The following KCNK10 variants were observed in gnomAD, a reference collection of about 807,000 sequenced individuals.
KCNK10 encodes potassium two pore domain channel subfamily K member 10.
A neutral mutation model predicts 47.7 loss-of-function variants in KCNK10; 25 were observed. The ratio of observed to expected loss-of-function variants is 0.52; its 90% CI spans 0.38 to 0.73. The LOEUF is 0.73. Among genes scored for constraint, KCNK10 ranks in the 30% least tolerant of loss-of-function variants. The pLI, the probability that KCNK10 is intolerant of heterozygous loss-of-function variation, is 0.00. For missense variants in KCNK10, 563 were observed against 714.5 expected (o/e 0.79, Z 2.42); for synonymous variants, 303 against 285.6 (o/e 1.06, Z -0.61).
At chr14:88,192,526 G>T in intron 4 of KCNK10, 116 bp from the exon 5 acceptor site, 1 of 829,154 alleles carries the variant, frequency 1.2e-6, no homozygotes, top group Non-Finnish European at 1.9e-6. Flanking sequence ...CTGGTCATTG[G>T]CTGCTTGGAG....
At chr14:88,214,721 G>A (rs1885565386) in intron 4 of KCNK10, among the ~76,000 whole-genome samples, 1 of 152,190 alleles carries the variant, frequency 6.6e-6, no homozygotes, top group Non-Finnish European at 1.5e-5. Flanking sequence ...AACTAAAGCA[G>A]ATACATAAAG....
At chr14:88,200,524 G>C (rs1229451267) in intron 4 of KCNK10, among the ~76,000 whole-genome samples, 1 of 152,152 alleles carries the variant, frequency 6.6e-6, no homozygotes, top group African/African-American at 2.4e-5. Context: ...GAACTTTCTA[G>C]TTAGACTAGG....
chr14:88,269,547 C>T (rs887616697), intron 1 of KCNK10, among the ~76,000 whole-genome samples: 2 of 152,160 alleles, frequency 1.3e-5, no homozygotes, highest in Non-Finnish European at 2.9e-5. Flanking sequence ...AGCTATCCTC[C>T]CACCCCAGCC....
intron 6 of KCNK10, among the ~76,000 whole-genome samples, chr14:88,187,515 C>T (rs930823621): frequency 7.9e-5 from 12 of 152,208 alleles, no homozygotes; most frequent in South Asian, 2.1e-4. Flanking sequence ...GGGCTCACTT[C>T]CCCGTAGCTG....
chr14:88,243,956 G>A (rs954919349), intron 2 of KCNK10, among the ~76,000 whole-genome samples: 12 of 151,816 alleles, frequency 7.9e-5, no homozygotes, highest in African/African-American at 2.9e-4. Context: ...ATGCCCTGGG[G>A]AAGCAGTTTT....
At chr14:88,261,645 T>C (rs1424168142) in intron 2 of KCNK10, among the ~76,000 whole-genome samples, 2 of 151,892 alleles carry the variant, frequency 1.3e-5, no homozygotes, top group African/African-American at 2.4e-5. Flanking sequence ...TCCCAGCTAC[T>C]CAGGAGACTG....
At chr14:88,207,857 G>C (rs1470710997) in intron 4 of KCNK10, among the ~76,000 whole-genome samples, 1 of 152,134 alleles carries the variant, frequency 6.6e-6, no homozygotes, top group Admixed American at 6.5e-5. Context: ...TATTTGGGGG[G>C]GGTGTTGACC....
At chr14:88,265,892 G>A (rs1887239325) in intron 1 of KCNK10, among the ~76,000 whole-genome samples, 1 of 152,196 alleles carries the variant, frequency 6.6e-6, no homozygotes, top group South Asian at 2.1e-4. Context: ...CCATGATTGT[G>A]AGGCCTCCCT....
rs146813469 is a variant in KCNK10 at position 88,273,448 on chromosome 14, G to A, written c.53-9897C>T. Among the ~76,000 whole-genome samples, 1,172 of 152,320 alleles carry A rather than the reference G, an allele frequency of 7.7e-3. 18 individuals are homozygous for A. The highest frequency in any genetic ancestry group is 0.026 in the African/African-American group (1,076 of 41,554). On this transcript the variant is annotated intron_variant, in intron 1 of 6. Coordinates refer to ENST00000319231, the MANE Select transcript of KCNK10 (RefSeq NM_138317.3). ...GGAAACCCTGTTCAACAGCACTCCTGTTCCAGAACTTCTGAGCATTTTTGG... is the reference window on the plus strand; with the variant it reads ...GGAAACCCTGTTCAACAGCACTCCTATTCCAGAACTTCTGAGCATTTTTGG...
At chr14:88,247,281 G>T (rs1049988686) in intron 2 of KCNK10, among the ~76,000 whole-genome samples, 2 of 152,076 alleles carry the variant, frequency 1.3e-5, no homozygotes, top group African/African-American at 4.8e-5. Flanking sequence ...GCAGGCTGAC[G>T]CACGTGTGCC....
intron 1 of KCNK10, among the ~76,000 whole-genome samples, chr14:88,310,702 C>T (rs1327169089): frequency 6.6e-6 from 1 of 152,152 alleles, no homozygotes; most frequent in Admixed American, 6.5e-5. Context: ...TTTTGGGAGG[C>T]CTTCCAAGCT....
chr14:88,188,102 GT>G lies in KCNK10; in HGVS notation c.875del (p.Asn292ThrfsTer13). 6.2e-7 allele frequency: 1 copy of G among 1,614,152 alleles called. No homozygotes were observed. Among genetic ancestry groups the G allele is most frequent in the African/African-American group, 1.3e-5 (1 of 75,044 alleles). Reference sequence around the variant, plus strand: ...ACCACTCCCGATAATTGATGCCAGCGTTTCCCCCTGAAAACAACCAAATGTT... The same window carrying G: ...ACCACTCCCGATAATTGATGCCAGCGTTCCCCCTGAAAACAACCAAATGTT... ...VGFGDFVAGG[N>X]AGINYREWYK... is the part of the protein sequence containing the mutation. On this transcript the variant is annotated frameshift_variant, in exon 6 of 7. Coordinates refer to ENST00000319231, the MANE Select transcript of KCNK10 (RefSeq NM_138317.3). LOFTEE classifies it high-confidence loss of function.
At chr14:88,292,983 T>C (rs889848949) in intron 1 of KCNK10, among the ~76,000 whole-genome samples, 1 of 114,184 alleles carries the variant, frequency 8.8e-6, no homozygotes. Flanking sequence ...AACTGGACTT[T>C]TGAATATCTG....
Position 88,250,012 on chromosome 14 carries a change from A to G in KCNK10, c.403-9192T>C, listed in dbSNP as rs150741498. Among the ~76,000 whole-genome samples the G allele has an allele frequency of 2.3e-3, 353 of 152,330 alleles. 1 individual carries two copies. Among genetic ancestry groups the G allele is most frequent in the Non-Finnish European group, 3.7e-3 (255 of 68,038 alleles). ...GACACCATCAAAATCTCATTATTCC[A>G]TAATGTATACAGCCACACTCTAAAG... On this transcript the variant is annotated intron_variant, in intron 2 of 6. Transcript: ENST00000319231.
chr14:88,182,583 A>G lies in KCNK10; in HGVS notation c.*2952T>C, dbSNP rs1252427929. On this transcript the variant is annotated 3_prime_UTR_variant, in exon 7 of 7. Coordinates refer to ENST00000319231, the MANE Select transcript of KCNK10 (RefSeq NM_138317.3). Reference sequence around the variant, plus strand: ...CTTTGCACACATATTTAATCGATCAATCACCATAGAGGATCTTCTTTGATT... The same window carrying G: ...CTTTGCACACATATTTAATCGATCAGTCACCATAGAGGATCTTCTTTGATT... The G allele has an allele frequency of 2.0e-5, 3 of 152,292 alleles. No individual in the cohort carries two copies. The highest frequency in any genetic ancestry group is 4.8e-5 in the African/African-American group (2 of 41,442). 9.4% of individuals were successfully genotyped at this position (152,292 alleles called of 1,614,324 possible).
intron 4 of KCNK10, among the ~76,000 whole-genome samples, chr14:88,207,731 G>C (rs2139846717): frequency 6.6e-6 from 1 of 152,316 alleles, no homozygotes; most frequent in South Asian, 2.1e-4. Context: ...GCTAGCACCT[G>C]AAGATGCAGT....
At chr14:88,306,552 T>A (rs1410119211) in intron 1 of KCNK10, among the ~76,000 whole-genome samples, 3 of 152,056 alleles carry the variant, frequency 2.0e-5, no homozygotes, top group Non-Finnish European at 4.4e-5. Context: ...AAGACACACA[T>A]CCCTGCCCAA....
intron 1 of KCNK10, among the ~76,000 whole-genome samples, chr14:88,279,930 T>TTCC (rs77684987): frequency 0.23 from 35,628 of 152,008 alleles, 5,282 homozygotes; most frequent in Non-Finnish European, 0.33. Flanking sequence ...CTTTTGCTTC[T>TTCC]TCCTCATTTT....
chr14:88,325,337 C>T (rs1940548), upstream of KCNK10, among the ~76,000 whole-genome samples: 25,572 of 152,134 alleles, frequency 0.17, 2,701 homozygotes, highest in African/African-American at 0.3. Flanking sequence ...CAGAGAAAGA[C>T]ACCCTCTCCT....
Sources: allele counts gnomAD v4.1 joint callset (sites outside exome capture counted in the v4.1 genomes callset), GRCh38; gene constraint gnomAD v4.1.1; transcripts MANE v1.5; gene names NCBI Gene and HGNC (gene_info 2026-07-23, HGNC 2026-07-21).